LMX1A: variants seen among roughly 807,000 people sequenced by gnomAD.
The protein encoded by LMX1A is LIM homeobox transcription factor 1 alpha, also known as LIM homeobox transcription factor 1-alpha.
Under a neutral mutation model 49.1 loss-of-function variants are expected in LMX1A, and 15 were observed. The ratio of observed to expected loss-of-function variants is 0.31; its 90% CI spans 0.20 to 0.47. LMX1A has a LOEUF of 0.47. Ranked by LOEUF, LMX1A falls within the 20% of genes least tolerant of loss-of-function variation. The pLI, the probability that LMX1A is intolerant of heterozygous loss-of-function variation, is 1.00. For synonymous variants in LMX1A, 167 were observed against 185.7 expected (o/e 0.90, Z 0.82); for missense variants, 372 against 475.8 (o/e 0.78, Z 2.03).
rs1367298225 is a variant in LMX1A, at chr1:165,228,429, T to A, written c.497-14616A>T. On this transcript the variant is annotated intron_variant, in intron 4 of 8. Transcript: ENST00000342310. ...TGCATCTCAACAACCTCATCAGCCA[T>A]CTAATCACTTCTCTGTATTAAACTC... Among the ~76,000 whole-genome samples, 4 of 152,202 alleles carry A rather than the reference T, an allele frequency of 2.6e-5. No individual in the cohort carries two copies. The East Asian group carries it at 7.7e-4, about 29-fold the overall frequency.
chr1:165,222,415 A>G (rs1651884500), intron 4 of LMX1A, among the ~76,000 whole-genome samples: 1 of 152,212 alleles, frequency 6.6e-6, no homozygotes, highest in Admixed American at 6.5e-5. Flanking sequence ...TTGGGAAGTA[A>G]CTTAAGTGGA....
chr1:165,210,890 A>C, intron 5 of LMX1A, 114 bp from the exon 6 acceptor site: 1 of 558,302 alleles, frequency 1.8e-6, no homozygotes, highest in Admixed American at 3.3e-5. Flanking sequence ...TTAGGAGCTG[A>C]ATAGTTTTTA....
At chr1:165,278,959 C>T (rs940460246) in intron 3 of LMX1A, among the ~76,000 whole-genome samples, 6 of 152,170 alleles carry the variant, frequency 3.9e-5, no homozygotes, top group Admixed American at 6.5e-5. Context: ...GGAACCTCAG[C>T]CCAGGAGGGC....
In LMX1A at chr1:165,201,871, T is replaced by C. The variant is rs567382514; in HGVS notation, c.*2009A>G. 12 of 152,382 alleles carry C rather than the reference T, an allele frequency of 7.9e-5. No homozygotes were observed. In the East Asian group the frequency reaches 2.3e-3, roughly 29 times the overall value. 9.4% of individuals were successfully genotyped at this position (152,382 alleles called of 1,614,324 possible). A position where few individuals can be genotyped will look rare whatever the true frequency, so the allele number is the denominator to read the frequency against. On this transcript the variant is annotated 3_prime_UTR_variant, in exon 9 of 9. Coordinates refer to ENST00000342310, the MANE Select transcript of LMX1A (RefSeq NM_177398.4). ...CACCCCTGAATAAACAACAGCTCAT[T>C]TGTAAGAGATTTTAATTTCATCTTG... is the stretch of plus-strand genomic sequence containing the variant.
chr1:165,252,673 G>C (rs1339816970), intron 3 of LMX1A, among the ~76,000 whole-genome samples: 4 of 152,196 alleles, frequency 2.6e-5, no homozygotes, highest in African/African-American at 7.2e-5. Flanking sequence ...GTACAGGAGA[G>C]AAAGTCAAGG....
At chr1:165,260,661 G>A (rs1653406375) in intron 3 of LMX1A, among the ~76,000 whole-genome samples, 1 of 152,130 alleles carries the variant, frequency 6.6e-6, no homozygotes, top group Non-Finnish European at 1.5e-5. Context: ...GCACTGCCTA[G>A]CATATAACAA....
intron 3 of LMX1A, among the ~76,000 whole-genome samples, chr1:165,347,454 C>T (rs1656286306): frequency 6.6e-6 from 1 of 152,196 alleles, no homozygotes; most frequent in African/African-American, 2.4e-5. Flanking sequence ...GAGAGACACA[C>T]CTCACCCCAT....
intron 3 of LMX1A, among the ~76,000 whole-genome samples, chr1:165,317,124 C>T (rs1655251870): frequency 6.6e-6 from 1 of 152,154 alleles, no homozygotes; most frequent in Non-Finnish European, 1.5e-5. Context: ...GAGCCCTCAG[C>T]CCATGTTCAT....
chr1:165,347,495 T>C (rs1656287697), intron 3 of LMX1A, among the ~76,000 whole-genome samples: 1 of 152,204 alleles, frequency 6.6e-6, no homozygotes, highest in South Asian at 2.1e-4. Context: ...GTGGCTTATA[T>C]GGGAACTTCT....
chr1:165,252,588 C>CA (rs1373077423), intron 3 of LMX1A, among the ~76,000 whole-genome samples: 2 of 151,988 alleles, frequency 1.3e-5, no homozygotes, highest in Non-Finnish European at 2.9e-5. Flanking sequence ...AAAATAGAGG[C>CA]AAAAATACTT....
chr1:165,334,883 C>T (rs546483064), intron 3 of LMX1A, among the ~76,000 whole-genome samples: 7 of 152,282 alleles, frequency 4.6e-5, no homozygotes, highest in South Asian at 2.1e-4. Context: ...TATAGCCCAA[C>T]GCAGTCAGTC....
At chr1:165,255,748 C>T (rs918485881) in intron 3 of LMX1A, among the ~76,000 whole-genome samples, 8 of 152,042 alleles carry the variant, frequency 5.3e-5, no homozygotes, top group East Asian at 3.9e-4. Flanking sequence ...CCGAGGTGGG[C>T]GGATCACCTG....
At chr1:165,281,593 C>T (rs1223840225) in intron 3 of LMX1A, among the ~76,000 whole-genome samples, 1 of 152,132 alleles carries the variant, frequency 6.6e-6, no homozygotes. Flanking sequence ...TCAGGCTGAC[C>T]ACAGGCAGAG....
At chr1:165,277,392 C>G (rs891576682) in intron 3 of LMX1A, among the ~76,000 whole-genome samples, 2 of 152,212 alleles carry the variant, frequency 1.3e-5, no homozygotes, top group African/African-American at 2.4e-5. Context: ...CCAAATCCCC[C>G]CCTTGGGAAG....
intron 4 of LMX1A, among the ~76,000 whole-genome samples, chr1:165,239,946 A>G (rs1383496248): frequency 6.6e-6 from 1 of 152,234 alleles, no homozygotes. Context: ...TAAGGAATTT[A>G]TACCAATTCC....
intron 7 of LMX1A, 114 bp from the exon 8 acceptor site, chr1:165,206,148 TC>T: frequency 1.0e-6 from 1 of 955,280 alleles, no homozygotes; most frequent in Non-Finnish European, 1.5e-6. Context: ...ACATCAGTGG[TC>T]CCAGCCTTTG....
chr1:165,277,395 T>A (rs915676536), intron 3 of LMX1A, among the ~76,000 whole-genome samples: 2 of 152,128 alleles, frequency 1.3e-5, no homozygotes, highest in Non-Finnish European at 2.9e-5. Context: ...AATCCCCCCC[T>A]TGGGAAGGGG....
chr1:165,256,022 C>T (rs777198359), intron 3 of LMX1A, among the ~76,000 whole-genome samples: 4 of 152,068 alleles, frequency 2.6e-5, no homozygotes, highest in Non-Finnish European at 5.9e-5. Context: ...ACACTTCCTC[C>T]GCAGCATGAG....
At chr1:165,312,549 T>G (rs991423078) in intron 3 of LMX1A, among the ~76,000 whole-genome samples, 2 of 152,218 alleles carry the variant, frequency 1.3e-5, no homozygotes, top group Non-Finnish European at 2.9e-5. Flanking sequence ...TAGGTTCCAC[T>G]TCCTGTCTCT....
Sources: allele counts gnomAD v4.1 joint callset (sites outside exome capture counted in the v4.1 genomes callset), GRCh38; gene constraint gnomAD v4.1.1; transcripts MANE v1.5; gene names NCBI Gene and HGNC (gene_info 2026-07-23, HGNC 2026-07-21).